Variants in FOCAD observed in about 807,000 individuals in gnomAD.
FOCAD encodes the protein KIAA1797.
In FOCAD, 198 loss-of-function variants were observed where a neutral mutation model predicts 225.6. The ratio of observed to expected loss-of-function variants is 0.88; its 90% CI spans 0.78 to 0.99. The LOEUF is 0.99. FOCAD is among the 50% of genes least tolerant of loss of function. The probability of loss-of-function intolerance (pLI) is 0.00; values close to 1 mark genes in which losing one functional copy is unlikely to be tolerated. For missense variants in FOCAD, 2,713 were observed against 2,123.6 expected (o/e 1.28, Z -5.46); for synonymous variants, 897 against 755.0 (o/e 1.19, Z -3.08).
intron 11 of FOCAD, among the ~76,000 whole-genome samples, chr9:20,819,162 T>C (rs1036484887): frequency 1.1e-4 from 17 of 152,170 alleles, no homozygotes; most frequent in Admixed American, 9.8e-4. Context: ...ATTGTTTACA[T>C]ACCTTAAGTG....
intron 6 of FOCAD, among the ~76,000 whole-genome samples, chr9:20,764,328 A>T (rs1453178564): frequency 6.6e-6 from 1 of 152,180 alleles, no homozygotes; most frequent in East Asian, 1.9e-4. Flanking sequence ...ATCTTGGCTC[A>T]CTGCAACCTC....
At chr9:20,938,113 C>T (rs957367269) in intron 28 of FOCAD, among the ~76,000 whole-genome samples, 33 of 152,212 alleles carry the variant, frequency 2.2e-4, no homozygotes, top group Admixed American at 1.4e-3. Context: ...GAAATAGGAA[C>T]ACTTTTACAC....
intron 25 of FOCAD, among the ~76,000 whole-genome samples, chr9:20,925,779 GT>G (rs1184696155): frequency 6.6e-6 from 1 of 151,992 alleles, no homozygotes; most frequent in Non-Finnish European, 1.5e-5. Flanking sequence ...GATGATTCAT[GT>G]TTTCTACCTA....
At chr9:20,948,816 T>G in intron 31 of FOCAD, 35 bp from the exon 32 acceptor site, 2 of 1,606,578 alleles carry the variant, frequency 1.2e-6, no homozygotes, top group Non-Finnish European at 1.7e-6. Flanking sequence ...CAAGGACTGA[T>G]TCCCTCTTTT....
rs186932458 is a variant in FOCAD, at chr9:20,809,172, C to G, written c.1456-10624C>G. Among the ~76,000 whole-genome samples, 216 of 152,174 alleles carry G rather than the reference C, an allele frequency of 1.4e-3. 3 individuals are homozygous for G. The highest frequency in any genetic ancestry group is 4.9e-3 in the African/African-American group (204 of 41,532). On this transcript the variant is annotated intron_variant, in intron 11 of 43. Transcript: ENST00000338382. The stretch of plus-strand genomic sequence containing the variant: ...ACAATTTAATGTATGTAACTGTTTC[C>G]CTATTGATAGACATTTAAGTTTTCC...
chr9:20,742,444 G>C (rs1827709639), intron 5 of FOCAD, among the ~76,000 whole-genome samples: 1 of 152,188 alleles, frequency 6.6e-6, no homozygotes, highest in Non-Finnish European at 1.5e-5. Flanking sequence ...TGATGCTGAT[G>C]CTGCTTTTGC....
intron 15 of FOCAD, among the ~76,000 whole-genome samples, chr9:20,846,229 GA>G (rs1827095942): frequency 6.6e-6 from 1 of 152,114 alleles, no homozygotes; most frequent in Admixed American, 6.6e-5. Flanking sequence ...TCACTGTGGA[GA>G]AATGTGTACT....
chr9:20,725,863 T>C (rs115103985), intron 4 of FOCAD, among the ~76,000 whole-genome samples: 1 of 152,326 alleles, frequency 6.6e-6, no homozygotes, highest in African/African-American at 2.4e-5. Context: ...TAGAGTGTTC[T>C]CTGTTCAAAG....
chr9:20,991,209 A>G (rs968852197), intron 42 of FOCAD, among the ~76,000 whole-genome samples: 2 of 152,246 alleles, frequency 1.3e-5, no homozygotes, highest in Non-Finnish European at 2.9e-5. Flanking sequence ...TCTGCAAAGC[A>G]TAACTGTGCT....
chr9:20,663,160 G>A (rs966459426), intron 2 of FOCAD, among the ~76,000 whole-genome samples: 1 of 152,092 alleles, frequency 6.6e-6, no homozygotes, highest in African/African-American at 2.4e-5. Context: ...GCTGAGGTGG[G>A]AGGATTGCTT....
intron 5 of FOCAD, among the ~76,000 whole-genome samples, chr9:20,746,855 T>C (rs1277800493): frequency 6.6e-6 from 1 of 152,204 alleles, no homozygotes; most frequent in Non-Finnish European, 1.5e-5. Context: ...TTTAGCCTTT[T>C]AACATCTGGA....
intron 24 of FOCAD, among the ~76,000 whole-genome samples, chr9:20,918,849 A>G (rs914008704): frequency 2.0e-5 from 3 of 152,196 alleles, no homozygotes; most frequent in African/African-American, 7.2e-5. Flanking sequence ...GAGATTGGTG[A>G]TAGAGCAGGG....
In FOCAD at chr9:20,781,904, A is replaced by C; in HGVS notation, c.1172A>C (p.Glu391Ala). 1 of 1,613,950 alleles carries C rather than the reference A, an allele frequency of 6.2e-7. No homozygotes were observed. Among genetic ancestry groups the C allele is most frequent in the Non-Finnish European group, 8.5e-7 (1 of 1,179,870 alleles). Residue 391 changes from glutamate to alanine, a missense_variant, in exon 10 of 44, where the codon GAA (glutamate) becomes GCA (alanine). Transcript: ENST00000338382. ...AACCTTTTGGAAATGATACAGCAGG[A>C]ATGTTACAGAGATGACCACCAAAAG... is the stretch of plus-strand genomic sequence containing the variant. ...ALNLLEMIQQ[E>A]CYRDDHQKLS...
At chr9:20,931,851 T>C (rs1016033099) in intron 27 of FOCAD, among the ~76,000 whole-genome samples, 9 of 150,314 alleles carry the variant, frequency 6.0e-5, no homozygotes, top group African/African-American at 2.2e-4. Flanking sequence ...TGAGCTGATG[T>C]TGTGCCACTG....
upstream of FOCAD, among the ~76,000 whole-genome samples, chr9:20,682,779 T>C (rs1822437994): frequency 6.6e-6 from 1 of 152,118 alleles, no homozygotes; most frequent in Non-Finnish European, 1.5e-5. Context: ...TATTGATTGA[T>C]TGAATGATTG....
chr9:20,844,078 C>G (rs186245314), intron 15 of FOCAD, among the ~76,000 whole-genome samples: 2 of 152,174 alleles, frequency 1.3e-5, no homozygotes, highest in East Asian at 3.9e-4. Flanking sequence ...CCCAAAAAGC[C>G]CATTTCTAGG....
intron 8 of FOCAD, 24 bp from the exon 9 acceptor site, chr9:20,778,657 C>G (rs367686596): frequency 1.3e-4 from 186 of 1,401,228 alleles, no homozygotes; most frequent in Non-Finnish European, 1.7e-4. Flanking sequence ...TTAACAACTC[C>G]TTTTTCCCCC....
Position 20,863,889 on chromosome 9 carries a change from G to C in FOCAD, c.2055+1177G>C, listed in dbSNP as rs149966111. Among the ~76,000 whole-genome samples the C allele has an allele frequency of 3.7e-3, 559 of 152,178 alleles. 3 individuals carry two copies. The highest frequency in any genetic ancestry group is 0.013 in the African/African-American group (525 of 41,542). ...TACAGGTTAATTTATGAATTGGCTGGTGTGTTGGTTTTTTGTGTTGGCTTA... is the reference window on the plus strand; with the variant it reads ...TACAGGTTAATTTATGAATTGGCTGCTGTGTTGGTTTTTTGTGTTGGCTTA... On this transcript the variant is annotated intron_variant, in intron 16 of 43. Transcript: ENST00000338382.
At chr9:20,949,146 T>C (rs1837458215) in intron 32 of FOCAD, among the ~76,000 whole-genome samples, 1 of 152,154 alleles carries the variant, frequency 6.6e-6, no homozygotes, top group African/African-American at 2.4e-5. Flanking sequence ...TTTTTAGAGA[T>C]TAAACCTGGC....
Sources: gnomAD v4.1 joint callset for allele counts (sites outside exome capture counted in the v4.1 genomes callset) on GRCh38, gnomAD v4.1.1 for gene constraint, MANE v1.5 for transcripts, NCBI Gene and HGNC (gene_info 2026-07-23, HGNC 2026-07-21) for gene names.